The following SRGAP2C variants were observed in gnomAD, a reference collection of about 807,000 sequenced individuals.
SRGAP2C encodes SLIT-ROBO Rho GTPase-activating protein 2C.
In SRGAP2C, 15 loss-of-function variants were observed where a neutral mutation model predicts 25.1. The ratio of observed to expected loss-of-function variants is 0.60; its 90% CI spans 0.40 to 0.92. The LOEUF is 0.92. Among genes scored for constraint, SRGAP2C ranks in the 40% least tolerant of loss-of-function variants. The pLI is 0.00. For missense variants in SRGAP2C, 144 were observed against 264.4 expected, an observed-to-expected ratio of 0.54 and a Z score of 3.16; for synonymous variants, 44 against 96.6, an observed-to-expected ratio of 0.46 and a Z score of 3.19.
chr1:121,353,455 T>A (rs1306667224), intron 4 of SRGAP2C, among the ~76,000 whole-genome samples: 1 of 147,834 alleles, frequency 6.8e-6, no homozygotes, highest in Non-Finnish European at 1.5e-5. Flanking sequence ...AGTGCTGCAG[T>A]TACAGGCATG....
chr1:121,304,077 GGCAGGC>G (rs1657764144), intron 3 of SRGAP2C, among the ~76,000 whole-genome samples: 4 of 152,022 alleles, frequency 2.6e-5, no homozygotes, highest in African/African-American at 9.6e-5. Context: ...CGGGCATGGT[GGCAGGC>G]ACATGTGGTC....
intron 2 of SRGAP2C, among the ~76,000 whole-genome samples, chr1:121,201,853 C>G (rs1360599872): frequency 6.6e-6 from 1 of 152,230 alleles, no homozygotes; most frequent in Non-Finnish European, 1.5e-5. Context: ...ATGCTTGAAA[C>G]TATTTGGAGT....
chr1:121,238,847 T>A (rs1232061370), intron 2 of SRGAP2C, among the ~76,000 whole-genome samples: 1 of 140,948 alleles, frequency 7.1e-6, no homozygotes, highest in Non-Finnish European at 1.5e-5. Flanking sequence ...AGTAGCGTGA[T>A]CATGGCTTGC....
intron 2 of SRGAP2C, among the ~76,000 whole-genome samples, chr1:121,233,009 G>A (rs1486270731): frequency 8.1e-6 from 1 of 122,724 alleles, no homozygotes. Flanking sequence ...TTCAGGTTTT[G>A]TAGGATTACC....
At chr1:121,329,294 G>A (rs1357786855) in intron 4 of SRGAP2C, among the ~76,000 whole-genome samples, 32 of 152,102 alleles carry the variant, frequency 2.1e-4, no homozygotes, top group Non-Finnish European at 3.7e-4. Context: ...AGAATCCAAC[G>A]TTTTCATCTA....
chr1:121,201,835 C>G (rs1436770133), intron 2 of SRGAP2C, among the ~76,000 whole-genome samples: 1 of 152,172 alleles, frequency 6.6e-6, no homozygotes, highest in Non-Finnish European at 1.5e-5. Context: ...ACTGCGTGTA[C>G]TTTTTTTATG....
At chr1:121,191,436 T>A (rs1242797306) in intron 2 of SRGAP2C, among the ~76,000 whole-genome samples, 1 of 151,844 alleles carries the variant, frequency 6.6e-6, no homozygotes, top group African/African-American at 2.4e-5. Context: ...TGTTTTTTTT[T>A]TTCTTGAATA....
chr1:121,188,070 C>T (rs1553319224), intron 2 of SRGAP2C, among the ~76,000 whole-genome samples: 2 of 152,154 alleles, frequency 1.3e-5, no homozygotes, highest in African/African-American at 4.8e-5. Flanking sequence ...CCTGCCTGGT[C>T]TCTGGTCGGC....
chr1:121,266,419 T>C (rs1272894662), intron 2 of SRGAP2C, among the ~76,000 whole-genome samples: 1 of 151,896 alleles, frequency 6.6e-6, no homozygotes, highest in African/African-American at 2.4e-5. Flanking sequence ...TAGATAATGA[T>C]GTTTATTAGC....
intron 3 of SRGAP2C, among the ~76,000 whole-genome samples, chr1:121,293,609 T>C (rs1465512408): frequency 6.6e-6 from 1 of 152,122 alleles, no homozygotes; most frequent in Non-Finnish European, 1.5e-5. Context: ...GAAAGTGCTC[T>C]TGGTTTCCTG....
chr1:121,222,554 G>A (rs181223704), intron 2 of SRGAP2C, among the ~76,000 whole-genome samples: 68 of 152,256 alleles, frequency 4.5e-4, no homozygotes, highest in African/African-American at 1.3e-3. Context: ...ACCTAAGCCC[G>A]GAAGGTCGAG....
At chr1:121,308,900 T>C (rs1657912436) in intron 3 of SRGAP2C, among the ~76,000 whole-genome samples, 1 of 130,872 alleles carries the variant, frequency 7.6e-6, no homozygotes, top group African/African-American at 2.9e-5. Context: ...GATCGCACCA[T>C]TGCACTCTAG....
At chr1:121,360,153 A>C (rs1457888982) in intron 4 of SRGAP2C, 1 of 150,302 alleles carries the variant, frequency 6.7e-6, no homozygotes, top group African/African-American at 2.5e-5. Flanking sequence ...GAAGGAACCA[A>C]CTCCGGACAC....
chr1:121,296,045 G>A (rs1200662223), intron 3 of SRGAP2C, among the ~76,000 whole-genome samples: 14 of 141,960 alleles, frequency 9.9e-5, no homozygotes, highest in African/African-American at 3.2e-4. Flanking sequence ...ACAGGCATAA[G>A]CCTCTGTGCC....
At chr1:121,213,345 C>A (rs1553324195) in intron 2 of SRGAP2C, among the ~76,000 whole-genome samples, 1 of 148,930 alleles carries the variant, frequency 6.7e-6, no homozygotes, top group Non-Finnish European at 1.5e-5. Flanking sequence ...CATGCCCGGC[C>A]TCGTTTCCTA....
At position 121,294,686 on chromosome 1, in the gene SRGAP2C, GT is replaced by G. The variant is rs1354285059; in HGVS notation, c.260+9692del. ...TGCTTTTAATAGCTCATTTTTTTAG[GT>G]AGCTTTTTTTTTTCTGTTGAGTTTT... On this transcript the variant is annotated intron_variant, in intron 3 of 9. Transcript: ENST00000367123. 2.5e-5 allele frequency among the ~76,000 whole-genome samples: 3 copies of G among 121,120 alleles called. No homozygotes were observed. The Admixed American group carries it at 2.6e-4, about 10-fold the overall frequency. 79.5% of individuals were successfully genotyped at this position (121,120 alleles called of 152,430 possible).
intron 4 of SRGAP2C, among the ~76,000 whole-genome samples, chr1:121,336,240 C>T (rs1351095957): frequency 6.6e-6 from 1 of 151,178 alleles, no homozygotes; most frequent in Non-Finnish European, 1.5e-5. Context: ...ATCTGTTCAA[C>T]TGTTGATGGC....
At chr1:121,387,330 ATGT>A (rs1183174441) in intron 9 of SRGAP2C, among the ~76,000 whole-genome samples, 1 of 30,186 alleles carries the variant, frequency 3.3e-5, no homozygotes, top group Non-Finnish European at 5.8e-5. Flanking sequence ...TTCTATTATA[ATGT>A]TGTTATATAA....
At chr1:121,322,790 T>C (rs1370748008) in intron 3 of SRGAP2C, among the ~76,000 whole-genome samples, 1 of 151,584 alleles carries the variant, frequency 6.6e-6, no homozygotes, top group Non-Finnish European at 1.5e-5. Context: ...TGGAAAAGCC[T>C]TCTAAGTTGA....
Sources: allele counts gnomAD v4.1 joint callset (sites outside exome capture counted in the v4.1 genomes callset), GRCh38; gene constraint gnomAD v4.1.1; transcripts MANE v1.5; gene names NCBI Gene and HGNC (gene_info 2026-07-23, HGNC 2026-07-21).